Variants in FBXL13 observed in about 807,000 individuals in gnomAD.
The protein encoded by FBXL13 is F-box and leucine-rich repeat protein 13.
Under a neutral mutation model 83.6 loss-of-function variants are expected in FBXL13, and 67 were observed. The ratio of observed to expected loss-of-function variants is 0.80; its 90% CI spans 0.66 to 0.98. The LOEUF (loss-of-function observed/expected upper bound fraction) is 0.98. FBXL13 is among the 50% of genes least tolerant of loss of function. The pLI, the probability that FBXL13 is intolerant of heterozygous loss-of-function variation, is 0.00. For synonymous variants in FBXL13, 272 were observed against 299.5 expected (o/e 0.91, Z 0.95); for missense variants, 822 against 866.5 (o/e 0.95, Z 0.64).
chr7:102,997,567 C>T (rs1168613215), intron 6 of FBXL13, among the ~76,000 whole-genome samples: 1 of 152,168 alleles, frequency 6.6e-6, no homozygotes, highest in Non-Finnish European at 1.5e-5. Flanking sequence ...CTCTCTATCC[C>T]CCCATACTCC....
chr7:102,984,793 T>G (rs1828746170), intron 6 of FBXL13, among the ~76,000 whole-genome samples: 2 of 152,220 alleles, frequency 1.3e-5, no homozygotes, highest in Non-Finnish European at 2.9e-5. Flanking sequence ...TGCGGGAATC[T>G]AACTGCATAC....
intron 1 of FBXL13, among the ~76,000 whole-genome samples, chr7:103,058,655 GA>G (rs1391131647): frequency 6.6e-6 from 1 of 152,138 alleles, no homozygotes; most frequent in Non-Finnish European, 1.5e-5. Context: ...CCTGGAGAAT[GA>G]ATTTGTCTCT....
At chr7:102,901,589 C>T (rs1007557333) in intron 11 of FBXL13, among the ~76,000 whole-genome samples, 5 of 152,204 alleles carry the variant, frequency 3.3e-5, no homozygotes, top group Non-Finnish European at 5.9e-5. Flanking sequence ...AATCATCCTT[C>T]TACTCTCTAT....
At chr7:102,934,085 A>C (rs1338582261) in intron 8 of FBXL13, 2 of 1,614,218 alleles carry the variant, frequency 1.2e-6, no homozygotes. Context: ...TGACGTGTAC[A>C]CATATCTCCA....
At chr7:102,958,726 T>A (rs1824705127) in intron 8 of FBXL13, among the ~76,000 whole-genome samples, 1 of 151,944 alleles carries the variant, frequency 6.6e-6, no homozygotes, top group Non-Finnish European at 1.5e-5. Context: ...AAGAATGAAT[T>A]TTTTTTCAAA....
intron 2 of FBXL13, among the ~76,000 whole-genome samples, chr7:103,040,606 G>A (rs980412377): frequency 1.3e-5 from 2 of 152,086 alleles, no homozygotes; most frequent in Non-Finnish European, 2.9e-5. Context: ...TAAAAGAACA[G>A]AAATCACAAA....
rs144003855 is a variant in FBXL13, at chr7:103,022,444, C to T, written c.495+2619G>A. On this transcript the variant is annotated intron_variant, in intron 6 of 19. Transcript: ENST00000313221. ...TGTATACATATGTAACAAACCTGCA[C>T]GTTGTGCACATGTACCCTAGAACTT... Among the ~76,000 whole-genome samples the T allele has an allele frequency of 1.2e-3, 185 of 151,698 alleles. 2 individuals carry two copies. The East Asian group carries it at 0.031, about 25-fold the overall frequency.
chr7:102,966,403 A>G (rs1825969432), intron 7 of FBXL13, among the ~76,000 whole-genome samples: 1 of 152,214 alleles, frequency 6.6e-6, no homozygotes, highest in Non-Finnish European at 1.5e-5. Context: ...GCTTAAAGTA[A>G]TAAATCTCTA....
intron 6 of FBXL13, among the ~76,000 whole-genome samples, chr7:103,012,315 C>A (rs181879730): frequency 6.1e-5 from 9 of 148,622 alleles, no homozygotes; most frequent in African/African-American, 2.2e-4. Context: ...GCGGAGATTG[C>A]AGTGAGCCGA....
In FBXL13 at chr7:103,014,023, T is replaced by C. The variant is rs80314201; in HGVS notation, c.495+11040A>G. ...TTATGAACACTTCTATACACACAAG[T>C]TAGAAAACCTAAAAGAAATGGATAA... On this transcript the variant is annotated intron_variant, in intron 6 of 19. Transcript: ENST00000313221. Among the ~76,000 whole-genome samples the C allele has an allele frequency of 1.7e-4, 26 of 151,596 alleles. No individual in the cohort carries two copies. In the East Asian group the frequency reaches 5.0e-3, roughly 29 times the overall value.
chr7:102,829,357 T>C (rs1160735228), intron 18 of FBXL13, among the ~76,000 whole-genome samples: 3 of 152,220 alleles, frequency 2.0e-5, no homozygotes, highest in African/African-American at 7.2e-5. Flanking sequence ...TGGACCTGCT[T>C]CACATCACCT....
intron 8 of FBXL13, among the ~76,000 whole-genome samples, chr7:102,949,691 T>C (rs1187627801): frequency 6.6e-6 from 1 of 152,176 alleles, no homozygotes; most frequent in Non-Finnish European, 1.5e-5. Flanking sequence ...TCCAGAAAAA[T>C]ACTGCGTGAA....
intron 2 of FBXL13, among the ~76,000 whole-genome samples, chr7:103,034,919 A>C (rs1428274777): frequency 6.6e-6 from 1 of 152,264 alleles, no homozygotes; most frequent in Non-Finnish European, 1.5e-5. Flanking sequence ...CTTTCAAATT[A>C]AAATTTTACT....
intron 8 of FBXL13, among the ~76,000 whole-genome samples, chr7:102,939,187 A>T (rs1307377973): frequency 6.6e-6 from 1 of 152,210 alleles, no homozygotes; most frequent in African/African-American, 2.4e-5. Context: ...TAATGGCTTT[A>T]TAGGGCCTTA....
intron 11 of FBXL13, among the ~76,000 whole-genome samples, chr7:102,899,207 C>T (rs1191943034): frequency 6.6e-6 from 1 of 152,200 alleles, no homozygotes; most frequent in Non-Finnish European, 1.5e-5. Context: ...GCCACCGTGC[C>T]CAGTCTGGAA....
chr7:103,048,457 CT>C (rs1264783895), intron 2 of FBXL13, among the ~76,000 whole-genome samples: 1 of 150,794 alleles, frequency 6.6e-6, no homozygotes, highest in Non-Finnish European at 1.5e-5. Context: ...CTTTCATTAC[CT>C]TTTAATATTA....
chr7:102,819,031 T>G (rs1188976853), intron 19 of FBXL13, among the ~76,000 whole-genome samples: 3 of 152,144 alleles, frequency 2.0e-5, no homozygotes, highest in Non-Finnish European at 4.4e-5. Flanking sequence ...TAGCTCCCAC[T>G]TATAAGTGAG....
chr7:103,051,426 G>A (rs887449103), intron 2 of FBXL13, among the ~76,000 whole-genome samples: 1 of 152,040 alleles, frequency 6.6e-6, no homozygotes, highest in Admixed American at 6.6e-5. Flanking sequence ...AAAGAAACTC[G>A]GAGAGCTCAA....
chr7:102,944,152 A>G, intron 8 of FBXL13: 1 of 1,322,978 alleles, frequency 7.6e-7, no homozygotes, highest in Non-Finnish European at 1.0e-6. Context: ...TCCTTTCCAT[A>G]TGCCATACAC....
Sources: gnomAD v4.1 joint callset for allele counts (sites outside exome capture counted in the v4.1 genomes callset) on GRCh38, gnomAD v4.1.1 for gene constraint, MANE v1.5 for transcripts, NCBI Gene and HGNC (gene_info 2026-07-23, HGNC 2026-07-21) for gene names.